PTGIS: variants seen among roughly 807,000 people sequenced by gnomAD.
PTGIS encodes prostaglandin I2 synthase.
PTGIS carries 45 observed loss-of-function variants against 50.3 expected under a neutral mutation model. The observed-to-expected ratio is 0.90, with a 90% CI of 0.70 to 1.15. The LOEUF is 1.15. Ranked by LOEUF, PTGIS falls within the 50% of genes most tolerant of loss-of-function variation. PTGIS has a pLI of 0.00. For synonymous variants in PTGIS, 260 were observed against 267.7 expected, an observed-to-expected ratio of 0.97 and a Z score of 0.28; for missense variants, 668 against 661.3, an observed-to-expected ratio of 1.01 and a Z score of -0.11.
intron 5 of PTGIS, among the ~76,000 whole-genome samples, chr20:49,532,516 G>C: frequency 6.6e-6 from 1 of 152,078 alleles, no homozygotes; most frequent in East Asian, 1.9e-4. Flanking sequence ...GATAATAAAA[G>C]TACCCACCAC....
At chr20:49,518,569 G>A (rs1469464643) in intron 6 of PTGIS, among the ~76,000 whole-genome samples, 1 of 151,992 alleles carries the variant, frequency 6.6e-6, no homozygotes, top group Non-Finnish European at 1.5e-5. Flanking sequence ...ATTAGGGAAA[G>A]CTGGGTGAAG....
At chr20:49,560,683 G>A (rs1982748613) in intron 1 of PTGIS, among the ~76,000 whole-genome samples, 1 of 152,230 alleles carries the variant, frequency 6.6e-6, no homozygotes, top group African/African-American at 2.4e-5. Context: ...GGGGCAGGGA[G>A]AAGAGTGTTA....
intron 8 of PTGIS, among the ~76,000 whole-genome samples, chr20:49,512,598 G>A (rs1234257408): frequency 6.6e-6 from 1 of 152,234 alleles, no homozygotes; most frequent in Non-Finnish European, 1.5e-5. Context: ...TAGCAATTGT[G>A]AAAGTTTACT....
chr20:49,548,845 G>A (rs1013767379), intron 2 of PTGIS, among the ~76,000 whole-genome samples: 9 of 152,202 alleles, frequency 5.9e-5, no homozygotes, highest in Non-Finnish European at 1.2e-4. Context: ...TGGATGGAAA[G>A]ATGGATGGAA....
At chr20:49,518,844 C>T (rs1236905223) in intron 6 of PTGIS, among the ~76,000 whole-genome samples, 21 of 152,128 alleles carry the variant, frequency 1.4e-4, no homozygotes, top group Non-Finnish European at 1.2e-4. Flanking sequence ...GGATTCTTCT[C>T]GATGATCACT....
Position 49,524,235 on chromosome 20 carries a change from G to T in PTGIS, c.678C>A (p.Asp226Glu), listed in dbSNP as rs751959343. 6.2e-7 allele frequency: 1 copy of T among 1,614,064 alleles called. No individual in the cohort carries two copies. Among genetic ancestry groups the T allele is most frequent in the Non-Finnish European group, 8.5e-7 (1 of 1,179,992 alleles). Reference sequence around the variant, plus strand: ...TTTTGACACTGCACATGTGGTCCTTGTCCCCTGCAGGGACAGAGCACAGAG... The same window carrying T: ...TTTTGACACTGCACATGTGGTCCTTTTCCCCTGCAGGGACAGAGCACAGAG... ...KLARGSLSVG[D>E]KDHMCSVKSR... The change falls in exon 6 of 10, where the codon GAC becomes GAA. Residue 226 changes from aspartate to glutamate, a missense_variant. Transcript: ENST00000244043.
intron 9 of PTGIS, among the ~76,000 whole-genome samples, chr20:49,509,903 TCTG>T (rs1568667163): frequency 2.4e-5 from 3 of 122,486 alleles, no homozygotes; most frequent in African/African-American, 3.5e-5. Context: ...TTTTTTTTTT[TCTG>T]GAGACAGAGT....
chr20:49,514,242 T>C lies in PTGIS; in HGVS notation c.1009A>G (p.Ser337Gly), dbSNP rs755286717. The C allele has an allele frequency of 4.3e-6, 7 of 1,613,902 alleles. No homozygotes were observed. The South Asian group carries it at 7.7e-5, about 18-fold the overall frequency. The change falls in exon 7 of 10, where the codon AGC becomes GGC. Residue 337 changes from serine (S) to glycine (G), a missense_variant. Coordinates refer to ENST00000244043, the MANE Select transcript of PTGIS (RefSeq NM_000961.4). ...ACGATCTCACCAAGCACAGGTGTGC[T>C]GTCTAGAACCTTCTGTGGGAGAGTG... Reference protein sequence around the residue: ...TTTLPQKVLDSTPVLDSVLSE... With the variant: ...TTTLPQKVLDGTPVLDSVLSE...
At chr20:49,530,702 T>C (rs1420397838) in intron 5 of PTGIS, among the ~76,000 whole-genome samples, 1 of 152,212 alleles carries the variant, frequency 6.6e-6, no homozygotes, top group Non-Finnish European at 1.5e-5. Context: ...GCCATTTGTA[T>C]GTCTTCTTTG....
At chr20:49,535,316 T>C (rs1391920304) in intron 5 of PTGIS, among the ~76,000 whole-genome samples, 2 of 152,114 alleles carry the variant, frequency 1.3e-5, no homozygotes, top group Non-Finnish European at 2.9e-5. Flanking sequence ...TTTTAATGTA[T>C]AGGGCCTTTG....
At chr20:49,560,739 GCTC>G (rs1982750638) in intron 1 of PTGIS, among the ~76,000 whole-genome samples, 1 of 152,170 alleles carries the variant, frequency 6.6e-6, no homozygotes, top group Admixed American at 6.5e-5. Context: ...GTGGGAGCAT[GCTC>G]GGTGAGGTTT....
rs749377505 is a variant in PTGIS, at chr20:49,511,157, A to C, written c.1229T>G (p.Leu410Arg). ...DPEVFKYNRFLNPDGSEKKDF... is the reference protein window; with the variant it reads ...DPEVFKYNRFRNPDGSEKKDF... ...TTTCTTCTCTGATCCGTCAGGGTTC[A>C]GGAATCGGTTGTATTTAAATACCTG... The change falls in exon 9 of 10, where the codon CTG becomes CGG. Residue 410 changes from leucine (L) to arginine (R), a missense_variant. Coordinates refer to ENST00000244043, the MANE Select transcript of PTGIS (RefSeq NM_000961.4). The C allele has an allele frequency of 1.2e-6, 2 of 1,614,262 alleles. No homozygotes were observed. Among genetic ancestry groups the C allele is most frequent in the Non-Finnish European group, 1.7e-6 (2 of 1,180,052 alleles).
chr20:49,519,404 C>A (rs1981585666), intron 6 of PTGIS, among the ~76,000 whole-genome samples: 1 of 152,054 alleles, frequency 6.6e-6, no homozygotes, highest in Non-Finnish European at 1.5e-5. Flanking sequence ...TCATCTCCGA[C>A]CTGACAGCAG....
At chr20:49,557,016 TACTGATATACGG>T (rs1982636186) in intron 1 of PTGIS, among the ~76,000 whole-genome samples, 1 of 152,218 alleles carries the variant, frequency 6.6e-6, no homozygotes, top group African/African-American at 2.4e-5. Flanking sequence ...CATACCTGCC[TACTGATATACGG>T]ACTTGAGAGT....
chr20:49,526,162 A>T (rs1483303274), intron 5 of PTGIS, among the ~76,000 whole-genome samples: 2 of 152,216 alleles, frequency 1.3e-5, no homozygotes, highest in Admixed American at 6.5e-5. Flanking sequence ...CCCCAGATTG[A>T]TCATGTCAAA....
intron 5 of PTGIS, among the ~76,000 whole-genome samples, chr20:49,537,519 C>T (rs1982110192): frequency 1.3e-5 from 2 of 152,162 alleles, no homozygotes; most frequent in African/African-American, 4.8e-5. Context: ...CTTTGGGAGG[C>T]CGAGGCAGGC....
intron 5 of PTGIS, among the ~76,000 whole-genome samples, chr20:49,536,892 C>T (rs961040486): frequency 6.6e-5 from 10 of 152,130 alleles, no homozygotes; most frequent in Admixed American, 5.2e-4. Context: ...AGAAAACACA[C>T]AGATGCTGGG....
chr20:49,565,130 C>A (rs1212843563), intron 1 of PTGIS, among the ~76,000 whole-genome samples: 2 of 130,992 alleles, frequency 1.5e-5, no homozygotes, highest in Non-Finnish European at 3.2e-5. Context: ...GCCACCACGC[C>A]CGGCTAATTT....
At chr20:49,544,277 CA>C (rs1185406875) in intron 4 of PTGIS, 27 bp downstream of exon 4, 1 of 1,613,054 alleles carries the variant, frequency 6.2e-7, no homozygotes, top group African/African-American at 1.3e-5. Flanking sequence ...CGGGCCCCAG[CA>C]GGAGGGTGGG....
Sources: gnomAD v4.1 joint callset for allele counts (sites outside exome capture counted in the v4.1 genomes callset) on GRCh38, gnomAD v4.1.1 for gene constraint, MANE v1.5 for transcripts, NCBI Gene and HGNC (gene_info 2026-07-23, HGNC 2026-07-21) for gene names.